UBFD1: variants seen among roughly 807,000 people sequenced by gnomAD.
UBFD1 encodes the protein ubiquitin domain-containing protein UBFD1.
A neutral mutation model predicts 35.1 loss-of-function variants in UBFD1; 12 were observed. That is an observed-to-expected ratio of 0.34 (90% CI 0.22 to 0.55). The LOEUF is 0.55. Ranked by LOEUF, UBFD1 falls within the 20% of genes least tolerant of loss-of-function variation. UBFD1 has a pLI of 0.89. For synonymous variants in UBFD1, 178 were observed against 167.6 expected (o/e 1.06, Z -0.48); for missense variants, 337 against 410.8 (o/e 0.82, Z 1.55).
intron 5 of UBFD1, chr16:23,565,920 T>C (rs1427249969): frequency 7.8e-6 from 1 of 128,234 alleles, no homozygotes; most frequent in East Asian, 2.7e-4. Flanking sequence ...CTTGTGCAGG[T>C]GCACCTCGCC....
chr16:23,562,309 G>A (rs1294771628), intron 4 of UBFD1, 38 bp downstream of exon 4: 1 of 1,594,970 alleles, frequency 6.3e-7, no homozygotes, highest in African/African-American at 1.3e-5. Context: ...TGAAAATGAG[G>A]CAGCCCCACC....
At position 23,558,129 on chromosome 16, in the gene UBFD1, G is replaced by A; in HGVS notation, c.205G>A (p.Ala69Thr). 1 of 1,601,938 alleles carries A rather than the reference G, an allele frequency of 6.2e-7. No individual in the cohort carries two copies. The highest frequency in any genetic ancestry group is 8.5e-7 in the Non-Finnish European group (1 of 1,175,296). ...AQPPGDPAAQ[A>T]SVSNGEDAGG... ...GCCCCCTGGGGACCCCGCAGCCCAG[G>A]CCTCGGTCAGCAACGGCGAAGACGC... Residue 69 changes from alanine to threonine, a missense_variant, in exon 2 of 7, where the codon GCC becomes ACC. This residue lies in a region of UBFD1 where 198 missense variants were observed against 168.4 expected (regional missense o/e 1.18). Transcript: ENST00000395878.
chr16:23,559,777 A>G, intron 3 of UBFD1, 101 bp downstream of exon 3: 1 of 1,422,188 alleles, frequency 7.0e-7, no homozygotes. Context: ...CTTTTTGGAC[A>G]GGGCCCATGA....
rs376700231 is a variant in UBFD1 at position 23,572,096 on chromosome 16, TTAA to T, written c.*1508_*1510del. 2.0e-5 allele frequency: 3 copies of T among 152,654 alleles called. No individual in the cohort carries two copies. Among genetic ancestry groups the T allele is most frequent in the Non-Finnish European group, 2.9e-5 (2 of 68,044 alleles). The allele number at this position is 152,654 out of a possible 1,614,324, so 9.5% of individuals were successfully genotyped here. ...AAGATGACTATTCCTTGTGAGCCAG[TTAA>T]TGATGATATTCTACGCCCTTCCCTT... On this transcript the variant is annotated 3_prime_UTR_variant, in exon 7 of 7. Coordinates refer to ENST00000395878, the MANE Select transcript of UBFD1 (RefSeq NM_019116.3).
At chr16:23,560,864 A>G (rs755099887) in intron 3 of UBFD1, among the ~76,000 whole-genome samples, 87 of 152,172 alleles carry the variant, frequency 5.7e-4, no homozygotes, top group Non-Finnish European at 1.0e-3. Context: ...AGTGTCTTGA[A>G]ACCGATTGAG....
rs1000062590 is a variant in UBFD1 at position 23,571,757 on chromosome 16, A to G, written c.*1167A>G. ...TGACCCTAGCAGGTTGGCCAGTGTT[A>G]TTGAACAACAAAAATGGGATAAATT... On this transcript the variant is annotated 3_prime_UTR_variant, in exon 7 of 7. Coordinates refer to ENST00000395878, the MANE Select transcript of UBFD1 (RefSeq NM_019116.3). 6.5e-6 allele frequency: 1 copy of G among 152,696 alleles called. No homozygotes were observed. The highest frequency in any genetic ancestry group is 1.5e-5 in the Non-Finnish European group (1 of 68,044). The allele number at this position is 152,696 out of a possible 1,614,324, so 9.5% of individuals were successfully genotyped here.
intron 3 of UBFD1, chr16:23,559,954 G>A: frequency 7.5e-7 from 1 of 1,333,574 alleles, no homozygotes; most frequent in Non-Finnish European, 1.0e-6. Flanking sequence ...AATCAGACGT[G>A]GGTTTCTCTC....
chr16:23,566,837 C>A (rs932063282), intron 5 of UBFD1, 150 bp from the exon 6 acceptor site: 1 of 688,366 alleles, frequency 1.5e-6, no homozygotes. Flanking sequence ...GGTCAGAAGA[C>A]CCTGTCGTGT....
At position 23,562,693 on chromosome 16, in the gene UBFD1, T is replaced by C; in HGVS notation, c.699T>C (p.Phe233=). Residue 233 remains phenylalanine, a synonymous_variant, in exon 5 of 7, where the codon TTT becomes TTC. Coordinates refer to ENST00000395878, the MANE Select transcript of UBFD1 (RefSeq NM_019116.3). ...CTGGAGGAAAAGTGAGACTCACCTTTAAACTAGAACAAGACCAGCTGTGGA... is the reference window on the plus strand; with the variant it reads ...CTGGAGGAAAAGTGAGACTCACCTTCAAACTAGAACAAGACCAGCTGTGGA... The part of the protein sequence containing the change: ...NKSGGKVRLT[F]KLEQDQLWIG... The C allele has an allele frequency of 6.2e-7, 1 of 1,614,210 alleles. No homozygotes were observed. The highest frequency in any genetic ancestry group is 8.5e-7 in the Non-Finnish European group (1 of 1,180,024).
Position 23,559,472 on chromosome 16 carries a change from C to T in UBFD1, c.360C>T (p.Leu120=), listed in dbSNP as rs776534855. The change falls in exon 3 of 7, where the codon CTC becomes CTT. Residue 120 remains leucine, a synonymous_variant. Transcript: ENST00000395878. ...LKQKIHSITG[L]PPAMQKVMYK... ...CACCTTCTACCTTTTCCCAAGGTCT[C>T]CCGCCTGCCATGCAGAAAGTCATGT... 3 of 1,613,330 alleles carry T rather than the reference C, an allele frequency of 1.9e-6. No individual in the cohort carries two copies. The highest frequency in any genetic ancestry group is 2.7e-5 in the African/African-American group (2 of 74,926).
chr16:23,559,431 C>G lies in UBFD1; in HGVS notation c.356-37C>G, dbSNP rs374329841. 136 of 1,582,956 alleles carry G rather than the reference C, an allele frequency of 8.6e-5. 1 individual carries two copies. The African/African-American group carries it at 1.5e-3, about 18-fold the overall frequency. On this transcript the variant is annotated intron_variant, in intron 2 of 6. Transcript: ENST00000395878. ...AGTATCCATACATTTTTCTGTCCTTCCTTCCTTTCACTGTCCACCTTCTAC... is the reference window on the plus strand; with the variant it reads ...AGTATCCATACATTTTTCTGTCCTTGCTTCCTTTCACTGTCCACCTTCTAC...
Position 23,570,503 on chromosome 16 carries a change from A to G in UBFD1, c.843A>G (p.Glu281=), listed in dbSNP as rs762141881. 2.5e-6 allele frequency: 4 copies of G among 1,613,898 alleles called. No homozygotes were observed. In the East Asian group the frequency reaches 8.9e-5, roughly 36 times the overall value. ...AGGCGTTTCAGTTGGGCCCCACGGA[A>G]GCCTCTTACTACTGGGTGTACTGGG... ...HMMAFQLGPT[E]ASYYWVYWVP... Residue 281 remains glutamate, a synonymous_variant, in exon 7 of 7, where the codon GAA becomes GAG. Coordinates refer to ENST00000395878, the MANE Select transcript of UBFD1 (RefSeq NM_019116.3).
intron 6 of UBFD1, 68 bp downstream of exon 6, chr16:23,567,137 T>C (rs1164383912): frequency 1.4e-6 from 2 of 1,446,864 alleles, no homozygotes; most frequent in Non-Finnish European, 1.9e-6. Context: ...GGAACAGTTT[T>C]AACTGAGCTT....
chr16:23,566,868 C>T, intron 5 of UBFD1, 119 bp from the exon 6 acceptor site: 1 of 916,700 alleles, frequency 1.1e-6, no homozygotes, highest in South Asian at 1.5e-5. Flanking sequence ...GGGCATGGCG[C>T]CAGTCACTTG....
Position 23,562,264 on chromosome 16 carries a change from G to A in UBFD1, c.623G>A (p.Gly208Glu). The A allele has an allele frequency of 6.2e-7, 1 of 1,614,006 alleles. No individual in the cohort carries two copies. The highest frequency in any genetic ancestry group is 8.5e-7 in the Non-Finnish European group (1 of 1,179,954). ...KPEDVMPSVK[G>E]AQERLPTVPL... The stretch of plus-strand genomic sequence containing the variant: ...GAAGATGTGATGCCATCTGTTAAGG[G>A]GGCCCAGGTAAGGCGGATTTCTTTG... Residue 208 changes from glycine (G) to glutamate (E), a missense_variant, in exon 4 of 7, where the codon GGG (glycine) becomes GAG (glutamate). Physicochemically the swap from Gly to Glu is moderately conservative, Grantham distance 98. Transcript: ENST00000395878.
At chr16:23,558,738 C>G (rs933698) in intron 2 of UBFD1, among the ~76,000 whole-genome samples, 1 of 151,864 alleles carries the variant, frequency 6.6e-6, no homozygotes, top group Non-Finnish European at 1.5e-5. Context: ...TTAATTTTAC[C>G]TTGTTCATAG....
chr16:23,558,323 C>A, intron 2 of UBFD1, 44 bp downstream of exon 2: 1 of 1,591,138 alleles, frequency 6.3e-7, no homozygotes, highest in Admixed American at 1.7e-5. Context: ...CACCCCGCCT[C>A]CTGATGGCCC....
intron 6 of UBFD1, among the ~76,000 whole-genome samples, chr16:23,568,306 C>T (rs1048685006): frequency 3.3e-5 from 5 of 151,648 alleles, no homozygotes; most frequent in Admixed American, 3.3e-4. Context: ...ATTACAGGCT[C>T]ACGCCACCAC....
At chr16:23,562,322 C>G in intron 4 of UBFD1, 51 bp downstream of exon 4, 1 of 1,552,606 alleles carries the variant, frequency 6.4e-7, no homozygotes, top group South Asian at 1.1e-5. Context: ...GCCCCACCGT[C>G]TGACTTGAGG....
Sources: gnomAD v4.1 joint callset for allele counts (sites outside exome capture counted in the v4.1 genomes callset) on GRCh38, gnomAD v4.1.1 for gene constraint, gnomAD v4.1.1 regional missense constraint, MANE v1.5 for transcripts, NCBI Gene and HGNC (gene_info 2026-07-23, HGNC 2026-07-21) for gene names.